BACE1: variants seen among roughly 807,000 people sequenced by gnomAD.
The protein encoded by BACE1 is beta-secretase 1.
BACE1 carries 21 observed loss-of-function variants against 54.0 expected under a neutral mutation model. The ratio of observed to expected loss-of-function variants is 0.39; its 90% CI spans 0.28 to 0.56. The LOEUF is 0.56. Among genes scored for constraint, BACE1 ranks in the 20% least tolerant of loss-of-function variants. The pLI, the probability that BACE1 is intolerant of heterozygous loss-of-function variation, is 0.63. For missense variants in BACE1, 511 were observed against 661.2 expected (o/e 0.77, Z 2.49); for synonymous variants, 232 against 260.9 (o/e 0.89, Z 1.07).
rs1449605680 is a variant in BACE1 at position 117,288,428 on chromosome 11, A to T, written c.*1138T>A. Reference sequence around the variant, plus strand: ...ATAGGAAGAAATCCAGGCAGGGGTTATAGGGCATCAGCTGTTGAATGAATG... The same window carrying T: ...ATAGGAAGAAATCCAGGCAGGGGTTTTAGGGCATCAGCTGTTGAATGAATG... On this transcript the variant is annotated 3_prime_UTR_variant, in exon 9 of 9. Coordinates refer to ENST00000313005, the MANE Select transcript of BACE1 (RefSeq NM_012104.6). 1.3e-5 allele frequency: 2 copies of T among 152,664 alleles called. No individual in the cohort carries two copies. Among genetic ancestry groups the T allele is most frequent in the African/African-American group, 4.8e-5 (2 of 41,468 alleles). 9.5% of individuals were successfully genotyped at this position (152,664 alleles called of 1,614,324 possible).
chr11:117,315,813 G>C lies in BACE1; in HGVS notation c.-18C>G, dbSNP rs2035101544. 1 of 1,392,502 alleles carries C rather than the reference G, an allele frequency of 7.2e-7. No individual in the cohort carries two copies. Among genetic ancestry groups the C allele is most frequent in the Non-Finnish European group, 9.2e-7 (1 of 1,082,784 alleles). The allele number at this position is 1,392,502 out of a possible 1,614,324, so 86.3% of individuals were successfully genotyped here. A position where few individuals can be genotyped will look rare whatever the true frequency, so the allele number is the denominator to read the frequency against. On this transcript the variant is annotated 5_prime_UTR_variant, in exon 1 of 9. Transcript: ENST00000313005. This position sits in a 1 kb window ranked among gnomAD's most constrained non-coding sequence, Gnocchi z 5.5. ...TGGGCCATGGTGGGCCCCGGCCTTC[G>C]GGCCCTCTGGGCTCGCACTGGCCCA...
chr11:117,299,447 G>T (rs1042282837), intron 1 of BACE1, among the ~76,000 whole-genome samples: 2 of 151,836 alleles, frequency 1.3e-5, no homozygotes, highest in Non-Finnish European at 2.9e-5. Flanking sequence ...ATCCTCTCTG[G>T]CTCCTTCCTG....
intron 1 of BACE1, among the ~76,000 whole-genome samples, chr11:117,303,570 T>C (rs992009364): frequency 2.0e-5 from 3 of 152,224 alleles, no homozygotes; most frequent in African/African-American, 7.2e-5. Flanking sequence ...ATAGCTCAGA[T>C]TCTTCTGGAT....
chr11:117,303,597 G>T (rs1055650137), intron 1 of BACE1, among the ~76,000 whole-genome samples: 7 of 152,258 alleles, frequency 4.6e-5, no homozygotes, highest in African/African-American at 1.7e-4. Context: ...CGCCTTCAAG[G>T]GGCATCTGTT....
chr11:117,290,801 C>T, intron 7 of BACE1, 99 bp downstream of exon 7: 2 of 1,553,968 alleles, frequency 1.3e-6, no homozygotes, highest in Non-Finnish European at 1.7e-6. Flanking sequence ...GGACACTACT[C>T]ATCTGTTTTG....
intron 1 of BACE1, among the ~76,000 whole-genome samples, chr11:117,310,671 TCAGCCTCC>T: frequency 6.6e-6 from 1 of 152,254 alleles, no homozygotes; most frequent in East Asian, 1.9e-4. Flanking sequence ...TCCTCCTGCC[TCAGCCTCC>T]CAAAGTGCTG....
intron 5 of BACE1, chr11:117,292,220 T>C (rs2034464355): frequency 7.6e-6 from 1 of 131,334 alleles, no homozygotes; most frequent in Non-Finnish European, 1.5e-5. Flanking sequence ...GATGGAGTAT[T>C]AGCTCTGTCA....
intron 3 of BACE1, 90 bp from the exon 4 acceptor site, chr11:117,294,098 G>A: frequency 6.9e-7 from 1 of 1,457,288 alleles, no homozygotes; most frequent in South Asian, 1.3e-5. Flanking sequence ...AAATTTGAAG[G>A]CTTGGGGGAT....
intron 1 of BACE1, among the ~76,000 whole-genome samples, chr11:117,300,735 T>C (rs1199619690): frequency 6.8e-6 from 1 of 147,080 alleles, no homozygotes; most frequent in Non-Finnish European, 1.5e-5. Context: ...GTCAAGTCCC[T>C]CCTCCCTTCC....
chr11:117,299,463 C>T (rs1317811312), intron 1 of BACE1, among the ~76,000 whole-genome samples: 2 of 152,082 alleles, frequency 1.3e-5, no homozygotes, highest in African/African-American at 2.4e-5. Context: ...TCCTGCTCTC[C>T]GTGGTGCCTC....
At chr11:117,305,821 G>T (rs1277567726) in intron 1 of BACE1, among the ~76,000 whole-genome samples, 1 of 151,916 alleles carries the variant, frequency 6.6e-6, no homozygotes, top group Non-Finnish European at 1.5e-5. Flanking sequence ...GGATCACAAA[G>T]TCAGGAGATC....
At position 117,288,396 on chromosome 11, in the gene BACE1, T is replaced by C. The variant is rs1263681599; in HGVS notation, c.*1170A>G. The C allele has an allele frequency of 6.5e-6, 1 of 152,672 alleles. No individual in the cohort carries two copies. The highest frequency in any genetic ancestry group is 1.5e-5 in the Non-Finnish European group (1 of 68,052). 9.5% of individuals were successfully genotyped at this position (152,672 alleles called of 1,614,324 possible). ...TATGTAAAGATCTTGCTACTTCTTA[T>C]AGCCTAATAGGAAGAAATCCAGGCA... On this transcript the variant is annotated 3_prime_UTR_variant, in exon 9 of 9. Coordinates refer to ENST00000313005, the MANE Select transcript of BACE1 (RefSeq NM_012104.6).
At chr11:117,291,691 C>T in intron 6 of BACE1, 21 bp downstream of exon 6, 2 of 1,558,030 alleles carry the variant, frequency 1.3e-6, no homozygotes, top group Non-Finnish European at 1.8e-6. Flanking sequence ...TCTCTTTTAC[C>T]CCCATCCTTA....
chr11:117,291,662 T>G (rs756577849), intron 6 of BACE1, 50 bp downstream of exon 6: 48 of 1,344,866 alleles, frequency 3.6e-5, no homozygotes, highest in Non-Finnish European at 4.8e-5. Context: ...TCTCACCGCC[T>G]CCCTCTGACA....
Position 117,293,082 on chromosome 11 carries a change from C to T in BACE1, c.812G>A (p.Gly271Glu). ...CTTGCAGTCCATTTTCAGATCCTGTCCATTGATCTCCACCCGCACAATGAT... is the reference window on the plus strand; with the variant it reads ...CTTGCAGTCCATTTTCAGATCCTGTTCATTGATCTCCACCCGCACAATGAT... ...EVIIVRVEIN[G>E]QDLKMDCKEY... The change falls in exon 5 of 9, where the codon GGA becomes GAA. Residue 271 changes from glycine (G) to glutamate (E), a missense_variant. Coordinates refer to ENST00000313005, the MANE Select transcript of BACE1 (RefSeq NM_012104.6). This position sits in a 1 kb window ranked among gnomAD's most constrained non-coding sequence, Gnocchi z 4.1. 6.2e-7 allele frequency: 1 copy of T among 1,614,036 alleles called. No individual in the cohort carries two copies. Among genetic ancestry groups the T allele is most frequent in the Non-Finnish European group, 8.5e-7 (1 of 1,179,988 alleles).
Position 117,293,453 on chromosome 11 carries a change from G to A in BACE1, c.706-265C>T. The A allele has an allele frequency of 3.1e-6, 1 of 326,862 alleles. No homozygotes were observed. The allele number at this position is 326,862 out of a possible 1,614,324, so 20.2% of individuals were successfully genotyped here. ...ATATAAAGTTATTTAAATCTAAACT[G>A]CCACAATAAATGTTGAATGAATGGT... On this transcript the variant is annotated intron_variant, in intron 4 of 8. Coordinates refer to ENST00000313005, the MANE Select transcript of BACE1 (RefSeq NM_012104.6). The surrounding 1 kb of genome is among the most constrained non-coding windows in gnomAD (Gnocchi z 4.1).
At chr11:117,296,748 C>T in intron 2 of BACE1, 125 bp downstream of exon 2, 1 of 746,294 alleles carries the variant, frequency 1.3e-6, no homozygotes, top group Non-Finnish European at 2.2e-6. Flanking sequence ...TTTTTTCGCC[C>T]TTCCCCTTCC....
Position 117,315,114 on chromosome 11 carries a change from G to A in BACE1, c.261+421C>T, listed in dbSNP as rs1272295878. The stretch of plus-strand genomic sequence containing the variant: ...TGGTCCTGGAGGTACTGGGAACAAT[G>A]GTGGGAATCAGAGGAGGGGACAAGG... On this transcript the variant is annotated intron_variant, in intron 1 of 8. Coordinates refer to ENST00000313005, the MANE Select transcript of BACE1 (RefSeq NM_012104.6). The surrounding 1 kb of genome is among the most constrained non-coding windows in gnomAD (Gnocchi z 5.5). Among the ~76,000 whole-genome samples, 1 of 152,224 alleles carries A rather than the reference G, an allele frequency of 6.6e-6. No homozygotes were observed. The highest frequency in any genetic ancestry group is 1.5e-5 in the Non-Finnish European group (1 of 68,036).
chr11:117,306,395 A>G (rs1432451334), intron 1 of BACE1, among the ~76,000 whole-genome samples: 1 of 152,210 alleles, frequency 6.6e-6, no homozygotes, highest in Non-Finnish European at 1.5e-5. Context: ...GTTGAAAATG[A>G]AGCTGACCAT....
Sources: gnomAD v4.1 joint callset for allele counts (sites outside exome capture counted in the v4.1 genomes callset) on GRCh38, gnomAD v4.1.1 for gene constraint, Gnocchi (gnomAD v3.1) non-coding constraint, MANE v1.5 for transcripts, NCBI Gene and HGNC (gene_info 2026-07-23, HGNC 2026-07-21) for gene names.